The following TTC23 variants were observed in gnomAD, a reference collection of about 807,000 sequenced individuals.
The protein encoded by TTC23 is tetratricopeptide repeat protein 23.
TTC23 carries 58 observed loss-of-function variants against 55.1 expected under a neutral mutation model. The observed-to-expected ratio is 1.05, with a 90% CI of 0.85 to 1.31. The LOEUF (loss-of-function observed/expected upper bound fraction) is 1.31. Ranked by LOEUF, TTC23 falls within the 50% of genes most tolerant of loss-of-function variation. TTC23 has a pLI of 0.00. For missense variants in TTC23, 516 were observed against 534.4 expected, an observed-to-expected ratio of 0.97 and a Z score of 0.34; for synonymous variants, 203 against 199.9, an observed-to-expected ratio of 1.02 and a Z score of -0.13.
At chr15:99,242,885 C>A (rs2079928892) in intron 2 of TTC23, among the ~76,000 whole-genome samples, 1 of 152,140 alleles carries the variant, frequency 6.6e-6, no homozygotes, top group Non-Finnish European at 1.5e-5. Flanking sequence ...AGACCTGAAA[C>A]TATAAAATTA....
At position 99,249,233 on chromosome 15, in the gene TTC23, T is replaced by C. The variant is rs1470352603; in HGVS notation, c.-493A>G. The C allele has an allele frequency of 6.6e-6, 1 of 152,108 alleles. No homozygotes were observed. Among genetic ancestry groups the C allele is most frequent in the East Asian group, 1.9e-4 (1 of 5,182 alleles). The allele number at this position is 152,108 out of a possible 1,614,324, so 9.4% of individuals were successfully genotyped here. A position where few individuals can be genotyped will look rare whatever the true frequency, so the allele number is the denominator to read the frequency against. ...TCAAACTTCACCCTAAAGAGAAAAA[T>C]GCTCTCTGAACACTCTTCTTCCTGC... On this transcript the variant is annotated 5_prime_UTR_variant, in exon 1 of 14. Transcript: ENST00000394132.
At chr15:99,199,208 T>C (rs1038911083) in intron 9 of TTC23, among the ~76,000 whole-genome samples, 8 of 152,126 alleles carry the variant, frequency 5.3e-5, no homozygotes, top group South Asian at 2.1e-4. Context: ...GACTGCAACA[T>C]AGAAATCCTG....
At chr15:99,231,727 C>T (rs368843744) in intron 4 of TTC23, among the ~76,000 whole-genome samples, 23 of 152,142 alleles carry the variant, frequency 1.5e-4, no homozygotes, top group East Asian at 1.2e-3. Flanking sequence ...CTCCTGACCT[C>T]GTGATCTGCC....
chr15:99,204,689 G>C (rs1295816323), intron 8 of TTC23, among the ~76,000 whole-genome samples: 1 of 131,744 alleles, frequency 7.6e-6, no homozygotes, highest in Non-Finnish European at 1.5e-5. Flanking sequence ...AGGCTGGAGT[G>C]CAGTGGTGTG....
At chr15:99,241,340 A>AC (rs1268128459) in intron 3 of TTC23, 25 bp downstream of exon 3, 1 of 152,978 alleles carries the variant, frequency 6.5e-6, no homozygotes, top group Non-Finnish European at 1.5e-5. Context: ...AAACAAACAA[A>AC]AAACATGCTT....
intron 8 of TTC23, among the ~76,000 whole-genome samples, chr15:99,208,406 T>C (rs2076789594): frequency 6.6e-6 from 1 of 152,192 alleles, no homozygotes. Context: ...CAAGCTTCTA[T>C]TTATCAGAAA....
chr15:99,249,547 G>C lies in TTC23; in HGVS notation c.-807C>G, dbSNP rs2080545532. 6.6e-6 allele frequency: 1 copy of C among 152,158 alleles called. No homozygotes were observed. The highest frequency in any genetic ancestry group is 1.5e-5 in the Non-Finnish European group (1 of 68,062). 9.4% of individuals were successfully genotyped at this position (152,158 alleles called of 1,614,324 possible). A position where few individuals can be genotyped will look rare whatever the true frequency, so the allele number is the denominator to read the frequency against. ...AAAAGTCTAAAGTAGGGCAGTTCCG[G>C]AGCAGCCTTTTCCCATAAAGCAAGC... is the stretch of plus-strand genomic sequence containing the variant. On this transcript the variant is annotated 5_prime_UTR_variant, in exon 1 of 14. Coordinates refer to ENST00000394132, the MANE Select transcript of TTC23 (RefSeq NM_001288615.3).
rs572723362 is a variant in TTC23 at position 99,229,051 on chromosome 15, T to A, written c.-20-319A>T. ...TACATACGTAAAGTCCAGTAGAAAT[T>A]AGCCTAGCACATACATATGTATTTG... is the stretch of plus-strand genomic sequence containing the variant. On this transcript the variant is annotated intron_variant, in intron 4 of 13. Coordinates refer to ENST00000394132, the MANE Select transcript of TTC23 (RefSeq NM_001288615.3). Among the ~76,000 whole-genome samples the A allele has an allele frequency of 2.9e-5, 3 of 102,384 alleles. No individual in the cohort carries two copies. The Admixed American group carries it at 3.5e-4, about 12-fold the overall frequency. The allele number at this position is 102,384 out of a possible 152,430, so 67.2% of individuals were successfully genotyped here.
chr15:99,237,049 C>A (rs937266790), intron 3 of TTC23, among the ~76,000 whole-genome samples: 2 of 151,624 alleles, frequency 1.3e-5, no homozygotes, highest in Non-Finnish European at 2.9e-5. Context: ...TGGCACAATC[C>A]TGGCTCACTG....
Position 99,204,824 on chromosome 15 carries a change from T to TA in TTC23, c.582-4729dup, listed in dbSNP as rs753824737. ...GGCTAATTTTGTTTGTTTGTAAAGATAGAGTTTCACCATGTTGCCCAGACT... is the reference window on the plus strand; with the variant it reads ...GGCTAATTTTGTTTGTTTGTAAAGATAAGAGTTTCACCATGTTGCCCAGACT... On this transcript the variant is annotated intron_variant, in intron 8 of 13. Coordinates refer to ENST00000394132, the MANE Select transcript of TTC23 (RefSeq NM_001288615.3). Among the ~76,000 whole-genome samples, 62 of 152,000 alleles carry TA rather than the reference T, an allele frequency of 4.1e-4. 3 individuals are homozygous for TA. The highest frequency in any genetic ancestry group is 2.0e-3 in the Admixed American group (30 of 15,262).
At chr15:99,166,781 G>C (rs907297478) in intron 10 of TTC23, among the ~76,000 whole-genome samples, 2 of 152,162 alleles carry the variant, frequency 1.3e-5, no homozygotes, top group Non-Finnish European at 2.9e-5. Context: ...AGGCCAGATA[G>C]AGGGTTCCCA....
chr15:99,222,946 G>A (rs1449863502), intron 5 of TTC23, among the ~76,000 whole-genome samples: 1 of 152,148 alleles, frequency 6.6e-6, no homozygotes, highest in Non-Finnish European at 1.5e-5. Context: ...GCAGTGAGCC[G>A]ATATCGTGCC....
chr15:99,181,186 A>G (rs527718836), intron 9 of TTC23, among the ~76,000 whole-genome samples: 1 of 152,354 alleles, frequency 6.6e-6, no homozygotes, highest in East Asian at 1.9e-4. Context: ...ATACTTTTCC[A>G]GTCTAACACT....
At chr15:99,169,176 T>C (rs561553297) in intron 10 of TTC23, among the ~76,000 whole-genome samples, 13 of 152,300 alleles carry the variant, frequency 8.5e-5, no homozygotes, top group African/African-American at 2.9e-4. Context: ...CATGTGCTGC[T>C]TGGGGAGCTC....
chr15:99,250,846 C>T (rs1184578816), upstream of TTC23, among the ~76,000 whole-genome samples: 1 of 152,140 alleles, frequency 6.6e-6, no homozygotes, highest in Admixed American at 6.5e-5. Context: ...TCTACCAGTT[C>T]GTAGTGACCC....
intron 8 of TTC23, among the ~76,000 whole-genome samples, chr15:99,207,711 C>A (rs2076735773): frequency 6.6e-6 from 1 of 152,208 alleles, no homozygotes; most frequent in East Asian, 1.9e-4. Flanking sequence ...GAGCTGAGAT[C>A]ATGCCACTGC....
chr15:99,196,975 C>T (rs2075768636), intron 9 of TTC23, among the ~76,000 whole-genome samples: 1 of 152,226 alleles, frequency 6.6e-6, no homozygotes, highest in South Asian at 2.1e-4. Context: ...TCAGACCTTA[C>T]CATGTGCTCT....
At chr15:99,193,149 T>C (rs1168743129) in intron 9 of TTC23, among the ~76,000 whole-genome samples, 1 of 152,230 alleles carries the variant, frequency 6.6e-6, no homozygotes, top group Non-Finnish European at 1.5e-5. Context: ...GGACTTGCCT[T>C]GTCTCTGATA....
intron 12 of TTC23, chr15:99,144,678 G>A (rs2068624576): frequency 6.6e-6 from 1 of 152,208 alleles, no homozygotes; most frequent in African/African-American, 2.4e-5. Flanking sequence ...ATAGAAAATT[G>A]AGAAAAGCAT....
Sources: gnomAD v4.1 joint callset for allele counts (sites outside exome capture counted in the v4.1 genomes callset) on GRCh38, gnomAD v4.1.1 for gene constraint, MANE v1.5 for transcripts, NCBI Gene and HGNC (gene_info 2026-07-23, HGNC 2026-07-21) for gene names.